GATAD2A: variants seen among roughly 807,000 people sequenced by gnomAD.
GATAD2A encodes GATA zinc finger domain containing 2A, also known as transcriptional repressor p66-alpha.
A neutral mutation model predicts 68.5 loss-of-function variants in GATAD2A; 12 were observed. The ratio of observed to expected loss-of-function variants is 0.18; its 90% CI spans 0.11 to 0.28. The LOEUF (loss-of-function observed/expected upper bound fraction) is 0.28, where lower values mean the gene tolerates loss of function less well. GATAD2A is among the 10% of genes least tolerant of loss of function. GATAD2A has a pLI of 1.00. For missense variants in GATAD2A, 755 were observed against 868.5 expected (o/e 0.87, Z 1.64); for synonymous variants, 410 against 375.3 (o/e 1.09, Z -1.07).
chr19:19,436,297 T>A, intron 1 of GATAD2A: 1 of 729,872 alleles, frequency 1.4e-6, no homozygotes, highest in Admixed American at 2.0e-5. Context: ...CTTGGACACT[T>A]TAAAGTGAGT....
rs776370779 is a variant in GATAD2A, at chr19:19,495,781, G to A, written c.652G>A (p.Val218Ile). 2.5e-6 allele frequency: 4 copies of A among 1,613,378 alleles called. No individual in the cohort carries two copies. Among genetic ancestry groups the A allele is most frequent in the Non-Finnish European group, 2.5e-6 (3 of 1,179,606 alleles). The change falls in exon 6 of 12, where the codon GTC (valine) becomes ATC (isoleucine). Residue 218 changes from valine (V) to isoleucine (I), a missense_variant. Val to Ile is a conservative substitution (Grantham distance 29, BLOSUM62 3). Coordinates refer to ENST00000683918, the MANE Select transcript of GATAD2A (RefSeq NM_001384528.1). ...CTCTTCAGCTCGGATGCCCGGCAGT[G>A]TCATACCCCCGCCCCTGGTCCGAGG... ...QTSSARMPGSVIPPPLVRGGQ... is the reference protein window; with the variant it reads ...QTSSARMPGSIIPPPLVRGGQ...
intron 1 of GATAD2A, among the ~76,000 whole-genome samples, chr19:19,395,731 G>A (rs1312805718): frequency 6.6e-6 from 1 of 152,174 alleles, no homozygotes; most frequent in Non-Finnish European, 1.5e-5. Flanking sequence ...TTCAGGAAGA[G>A]TGTGTTCTTG....
chr19:19,425,156 C>T (rs2052927068), intron 1 of GATAD2A, among the ~76,000 whole-genome samples: 1 of 151,804 alleles, frequency 6.6e-6, no homozygotes, highest in Non-Finnish European at 1.5e-5. Context: ...GAACAAAACC[C>T]AGCCACTGAC....
intron 1 of GATAD2A, among the ~76,000 whole-genome samples, chr19:19,425,761 A>G (rs1384342492): frequency 1.3e-5 from 2 of 151,660 alleles, no homozygotes; most frequent in Non-Finnish European, 2.9e-5. Flanking sequence ...AGAACTTGAC[A>G]GGGGACATAG....
chr19:19,450,139 A>G (rs548709167), intron 1 of GATAD2A, among the ~76,000 whole-genome samples: 108 of 152,276 alleles, frequency 7.1e-4, no homozygotes, highest in African/African-American at 2.4e-3. Flanking sequence ...AGAACCAAGA[A>G]CTAGAGATGA....
chr19:19,410,723 C>T lies in GATAD2A; in HGVS notation c.-7+4704C>T, dbSNP rs548251881. On this transcript the variant is annotated intron_variant, in intron 1 of 11. Transcript: ENST00000683918. Reference sequence around the variant, plus strand: ...GCTTTTTGCCAAGTGTGGCCGTGTGCCTATTGCTGAGCAGCCTGTCTCTAG... The same window carrying T: ...GCTTTTTGCCAAGTGTGGCCGTGTGTCTATTGCTGAGCAGCCTGTCTCTAG... 2.0e-5 allele frequency among the ~76,000 whole-genome samples: 3 copies of T among 152,284 alleles called. No homozygotes were observed. The East Asian group carries it at 5.8e-4, about 29-fold the overall frequency.
intron 1 of GATAD2A, among the ~76,000 whole-genome samples, chr19:19,443,695 G>T (rs1302841999): frequency 6.6e-6 from 1 of 152,152 alleles, no homozygotes; most frequent in East Asian, 1.9e-4. Flanking sequence ...TATCTACTCT[G>T]TGGGTGGATT....
rs1250059706 is a variant in GATAD2A, at chr19:19,501,965, G to A, written c.1504-4G>A. 6.2e-7 allele frequency: 1 copy of A among 1,613,354 alleles called. No individual in the cohort carries two copies. Among genetic ancestry groups the A allele is most frequent in the Non-Finnish European group, 8.5e-7 (1 of 1,179,300 alleles). ...GACTTTGCTTTCAACCCCCGTTTGT[G>A]TAGGTCATAAAACCCCGGCGTAAGT... On this transcript the variant is annotated splice_region_variant and splice_polypyrimidine_tract_variant and intron_variant, in intron 9 of 11. Transcript: ENST00000683918.
Position 19,502,512 on chromosome 19 carries a change from C to T in GATAD2A, c.1760C>T (p.Thr587Met), listed in dbSNP as rs760258128. ...KGSATSNWKK[T>M]PLSTGGTLAF... ...AGCGCCACCTCCAACTGGAAGAAGA[C>T]GCCCCTCAGCACAGGTGGGTGACCT... Residue 587 changes from threonine to methionine, a missense_variant, in exon 11 of 12, where the codon ACG becomes ATG. Coordinates refer to ENST00000683918, the MANE Select transcript of GATAD2A (RefSeq NM_001384528.1). 13 of 1,610,840 alleles carry T rather than the reference C, an allele frequency of 8.1e-6. No individual in the cohort carries two copies. The highest frequency in any genetic ancestry group is 6.6e-5 in the South Asian group (6 of 90,768).
chr19:19,487,687 G>A (rs1391675050), intron 2 of GATAD2A, among the ~76,000 whole-genome samples: 1 of 152,198 alleles, frequency 6.6e-6, no homozygotes, highest in Non-Finnish European at 1.5e-5. Context: ...TGTTGAAGAG[G>A]GATGTTCTGC....
chr19:19,454,734 C>CCCG (rs2056766793), intron 1 of GATAD2A, among the ~76,000 whole-genome samples: 1 of 129,732 alleles, frequency 7.7e-6, no homozygotes, highest in Non-Finnish European at 1.7e-5. Context: ...CTGTGCCCCC[C>CCCG]CCCACCCCCT....
At chr19:19,465,666 G>T (rs1198007718) in intron 2 of GATAD2A, 52 bp downstream of exon 2, 2 of 1,545,566 alleles carry the variant, frequency 1.3e-6, no homozygotes, top group Non-Finnish European at 1.7e-6. Flanking sequence ...CAAGCCCAGT[G>T]TGCCCAGGTT....
At chr19:19,497,406 C>A (rs754771162) in intron 7 of GATAD2A, among the ~76,000 whole-genome samples, 2 of 152,222 alleles carry the variant, frequency 1.3e-5, no homozygotes, top group Non-Finnish European at 2.9e-5. Flanking sequence ...CACCCGTGAA[C>A]TTTTATCCAG....
At chr19:19,482,608 AT>A (rs557334103) in intron 2 of GATAD2A, among the ~76,000 whole-genome samples, 1 of 152,002 alleles carries the variant, frequency 6.6e-6, no homozygotes, top group South Asian at 2.1e-4. Context: ...CTCCCTTAAG[AT>A]TGTTCCCTGT....
intron 2 of GATAD2A, among the ~76,000 whole-genome samples, chr19:19,488,577 A>G (rs1386601232): frequency 6.6e-6 from 1 of 152,168 alleles, no homozygotes; most frequent in Admixed American, 6.5e-5. Context: ...TGGAAGTGGG[A>G]TCGTGTCTCA....
chr19:19,474,247 C>T (rs1379870337), intron 2 of GATAD2A: 7 of 760,766 alleles, frequency 9.2e-6, no homozygotes, highest in Non-Finnish European at 1.1e-5. Flanking sequence ...TTGCCCCCAA[C>T]CCCGACAACC....
chr19:19,485,346 G>A (rs1490864432), intron 2 of GATAD2A, among the ~76,000 whole-genome samples: 3 of 152,184 alleles, frequency 2.0e-5, no homozygotes, highest in Admixed American at 1.3e-4. Flanking sequence ...GGCTGGTCCC[G>A]CCCAGCTGGG....
At chr19:19,404,131 G>A (rs1196695622), upstream of GATAD2A, among the ~76,000 whole-genome samples, 1 of 152,092 alleles carries the variant, frequency 6.6e-6, no homozygotes, top group East Asian at 1.9e-4. Context: ...GCAGGGCGGT[G>A]TGTTTGGGGA....
chr19:19,438,500 G>C (rs2054621884), intron 1 of GATAD2A, among the ~76,000 whole-genome samples: 1 of 152,222 alleles, frequency 6.6e-6, no homozygotes, highest in African/African-American at 2.4e-5. Context: ...GGCATTGTTT[G>C]AGGGCAGCAG....
Sources: allele counts gnomAD v4.1 joint callset (sites outside exome capture counted in the v4.1 genomes callset), GRCh38; gene constraint gnomAD v4.1.1; transcripts MANE v1.5; gene names NCBI Gene and HGNC (gene_info 2026-07-23, HGNC 2026-07-21).